Variants in VDR observed in about 807,000 individuals in gnomAD.
VDR encodes vitamin D3 receptor.
Under a neutral mutation model 39.7 loss-of-function variants are expected in VDR, and 19 were observed. The ratio of observed to expected loss-of-function variants is 0.48; its 90% CI spans 0.33 to 0.70. The LOEUF (loss-of-function observed/expected upper bound fraction) is 0.70. VDR is among the 30% of genes least tolerant of loss of function. The pLI is 0.02. For synonymous variants in VDR, 242 were observed against 215.8 expected (o/e 1.12, Z -1.07); for missense variants, 442 against 570.5 (o/e 0.77, Z 2.29).
rs916553150 is a variant in VDR at position 47,871,166 on chromosome 12, T to A, written c.147-5989A>T. On this transcript the variant is annotated intron_variant, in intron 3 of 9. Coordinates refer to ENST00000549336, the MANE Select transcript of VDR (RefSeq NM_000376.3). The stretch of plus-strand genomic sequence containing the variant: ...CAGTAAAGCCACTTCCAGGTATTTA[T>A]CCTGTGGGTAGATCGGTCCATGGGC... Among the ~76,000 whole-genome samples the A allele has an allele frequency of 5.3e-5, 8 of 152,272 alleles. No homozygotes were observed. The South Asian group carries it at 8.3e-4, about 16-fold the overall frequency.
intron 5 of VDR, 100 bp downstream of exon 5, chr12:47,857,404 T>C: frequency 2.5e-6 from 4 of 1,604,694 alleles, no homozygotes; most frequent in African/African-American, 2.7e-5. Flanking sequence ...ACCCCAGTTC[T>C]GTTCAGGATG....
In VDR at chr12:47,882,645, C is replaced by CCCT; in HGVS notation, c.-3+48_-3+49insAGG. On this transcript the variant is annotated intron_variant, in intron 2 of 9. Coordinates refer to ENST00000549336, the MANE Select transcript of VDR (RefSeq NM_000376.3). ...TATGCCCCTCCCCCCCACCCCGCCCCTTGAAAACAGAAAGCCAGGGAAGTT... is the reference window on the plus strand; with the variant it reads ...TATGCCCCTCCCCCCCACCCCGCCCCCCTTTGAAAACAGAAAGCCAGGGAAGTT... 5 of 1,027,896 alleles carry CCCT rather than the reference C, an allele frequency of 4.9e-6. No individual in the cohort carries two copies. In the Admixed American group the frequency reaches 7.3e-5, roughly 15 times the overall value. 63.7% of individuals were successfully genotyped at this position (1,027,896 alleles called of 1,614,324 possible).
At chr12:47,847,590 T>C (rs1945304159) in intron 7 of VDR, among the ~76,000 whole-genome samples, 1 of 152,056 alleles carries the variant, frequency 6.6e-6, no homozygotes, top group African/African-American at 2.4e-5. Context: ...TTTTTTTTCT[T>C]GTGACAGGAT....
At chr12:47,863,281 T>A (rs1359199303) in intron 4 of VDR, among the ~76,000 whole-genome samples, 1 of 152,224 alleles carries the variant, frequency 6.6e-6, no homozygotes, top group South Asian at 2.1e-4. Flanking sequence ...GGTCTTTACC[T>A]CTCTGAGTCT....
At chr12:47,877,787 G>A (rs1946038511) in intron 3 of VDR, among the ~76,000 whole-genome samples, 1 of 152,198 alleles carries the variant, frequency 6.6e-6, no homozygotes, top group South Asian at 2.1e-4. Flanking sequence ...TAGAGCCAGC[G>A]ATGCTGCTTG....
At chr12:47,857,091 C>A in intron 6 of VDR, 38 bp downstream of exon 6, 4 of 1,613,058 alleles carry the variant, frequency 2.5e-6, no homozygotes, top group Non-Finnish European at 3.4e-6. Flanking sequence ...TCCTCGCCCC[C>A]GCTCCCTTAC....
intron 1 of VDR, among the ~76,000 whole-genome samples, chr12:47,883,972 G>T (rs1202627697): frequency 6.6e-6 from 1 of 152,260 alleles, no homozygotes; most frequent in East Asian, 1.9e-4. Context: ...CATGGGCAGT[G>T]GGAGGTGTCT....
chr12:47,897,347 G>C (rs779487421), intron 1 of VDR, among the ~76,000 whole-genome samples: 1 of 152,212 alleles, frequency 6.6e-6, no homozygotes, highest in Non-Finnish European at 1.5e-5. Flanking sequence ...GGTTGGTATA[G>C]AAAGAGACAC....
At chr12:47,903,241 C>A (rs911355355) in intron 1 of VDR, among the ~76,000 whole-genome samples, 1 of 151,810 alleles carries the variant, frequency 6.6e-6, no homozygotes, top group Admixed American at 6.5e-5. Flanking sequence ...AGCCATGGGA[C>A]CCAGCCAGAG....
chr12:47,860,330 G>A (rs538514754), intron 4 of VDR, among the ~76,000 whole-genome samples: 1 of 152,270 alleles, frequency 6.6e-6, no homozygotes, highest in Non-Finnish European at 1.5e-5. Context: ...TGGCCGTGGT[G>A]TCTGCTCAAT....
chr12:47,904,870 G>C (rs920533734), intron 1 of VDR, 85 bp downstream of exon 1: 2 of 339,104 alleles, frequency 5.9e-6, no homozygotes, highest in Non-Finnish European at 1.1e-5. Context: ...GCTCGCAGCC[G>C]GGCGCTCAGG....
At chr12:47,891,098 C>T (rs980053892) in intron 1 of VDR, among the ~76,000 whole-genome samples, 2 of 152,230 alleles carry the variant, frequency 1.3e-5, no homozygotes, top group African/African-American at 4.8e-5. Context: ...AGTATTCAAA[C>T]CCCAGGTCCT....
intron 1 of VDR, among the ~76,000 whole-genome samples, chr12:47,894,581 T>A (rs1946431448): frequency 6.6e-6 from 1 of 152,214 alleles, no homozygotes; most frequent in South Asian, 2.1e-4. Context: ...GCCCTTACTT[T>A]TTCCAGAACT....
Position 47,850,777 on chromosome 12 carries a change from CCTGCAGCCGCTT to C in VDR, c.756-3981_756-3970del, listed in dbSNP as rs1350969560. ...ATTTACACCCTCCTCTGTCTTCACGCCTGCAGCCGCTTCTGGGCACCCGAGATGTGACTGGAA... is the reference window on the plus strand; with the variant it reads ...ATTTACACCCTCCTCTGTCTTCACGCCTGGGCACCCGAGATGTGACTGGAA... On this transcript the variant is annotated intron_variant, in intron 7 of 9. Transcript: ENST00000549336. 2.2e-3 allele frequency among the ~76,000 whole-genome samples: 340 copies of C among 152,242 alleles called. 3 individuals are homozygous for C. The highest frequency in any genetic ancestry group is 7.6e-3 in the African/African-American group (316 of 41,550).
chr12:47,904,966 G>A lies in VDR; in HGVS notation c.-95C>T. On this transcript the variant is annotated 5_prime_UTR_variant, in exon 1 of 10. Transcript: ENST00000549336. ...TCCCGGGTTCGCACCTGGTCCGGCC[G>A]GCGGGTGGACAAGCTGTTCCGCGCT... 1 of 183,388 alleles carries A rather than the reference G, an allele frequency of 5.5e-6. No individual in the cohort carries two copies. Among genetic ancestry groups the A allele is most frequent in the African/African-American group, 2.4e-5 (1 of 42,358 alleles). The allele number at this position is 183,388 out of a possible 1,614,324, so 11.4% of individuals were successfully genotyped here.
intron 1 of VDR, among the ~76,000 whole-genome samples, chr12:47,884,976 T>G (rs11168280): frequency 0.032 from 4,868 of 152,118 alleles, 248 homozygotes; most frequent in African/African-American, 0.11. Context: ...TAAGTCCAAG[T>G]GCAAGCCTAT....
intron 4 of VDR, among the ~76,000 whole-genome samples, chr12:47,861,189 A>G (rs929096538): frequency 1.3e-5 from 2 of 152,282 alleles, no homozygotes; most frequent in Non-Finnish European, 2.9e-5. Context: ...GCTTTCAGCC[A>G]TGGAGTTTTG....
At position 47,873,650 on chromosome 12, in the gene VDR, C is replaced by T. The variant is rs1289630996; in HGVS notation, c.146+5318G>A. On this transcript the variant is annotated intron_variant, in intron 3 of 9. Transcript: ENST00000549336. ...TGCTGGGATTACAGGCGTGAGCCAC[C>T]GCGCCCGGCCACCTGTTTTCTTTAT... 3.3e-5 allele frequency among the ~76,000 whole-genome samples: 5 copies of T among 152,212 alleles called. No individual in the cohort carries two copies. The South Asian group carries it at 8.3e-4, about 25-fold the overall frequency.
At chr12:47,878,291 C>T (rs570247359) in intron 3 of VDR, among the ~76,000 whole-genome samples, 15 of 152,288 alleles carry the variant, frequency 9.8e-5, no homozygotes, top group South Asian at 4.1e-4. Context: ...CCCTTTCCCA[C>T]GCTCCCACCC....
Sources: gnomAD v4.1 joint callset for allele counts (sites outside exome capture counted in the v4.1 genomes callset) on GRCh38, gnomAD v4.1.1 for gene constraint, MANE v1.5 for transcripts, NCBI Gene and HGNC (gene_info 2026-07-23, HGNC 2026-07-21) for gene names.